The following LPCAT2 variants were observed in gnomAD, a reference collection of about 807,000 sequenced individuals.
LPCAT2 encodes 1-AGP acyltransferase 11.
In LPCAT2, 58 loss-of-function variants were observed where a neutral mutation model predicts 64.7. The ratio of observed to expected loss-of-function variants is 0.90; its 90% CI spans 0.73 to 1.12. The LOEUF is 1.12. Among genes scored for constraint, LPCAT2 ranks in the 50% most tolerant of loss-of-function variants. LPCAT2 has a pLI of 0.00. For missense variants in LPCAT2, 579 were observed against 669.8 expected (o/e 0.86, Z 1.50); for synonymous variants, 252 against 245.3 (o/e 1.03, Z -0.26).
intron 1 of LPCAT2, among the ~76,000 whole-genome samples, chr16:55,513,437 A>G (rs957376694): frequency 1.3e-5 from 2 of 152,144 alleles, no homozygotes; most frequent in Admixed American, 1.3e-4. Flanking sequence ...AGCAGAATGA[A>G]AAAAACTGAG....
chr16:55,576,263 T>C (rs1178795224), intron 12 of LPCAT2, among the ~76,000 whole-genome samples: 1 of 152,132 alleles, frequency 6.6e-6, no homozygotes, highest in Non-Finnish European at 1.5e-5. Context: ...ATGTGTTTTA[T>C]GTTTTGGAAG....
chr16:55,530,492 T>TGG (rs57443448), intron 4 of LPCAT2, among the ~76,000 whole-genome samples: 73 of 142,252 alleles, frequency 5.1e-4, no homozygotes, highest in East Asian at 2.0e-3. Flanking sequence ...AATGCGGGGG[T>TGG]GGGGGGGGGG....
chr16:55,576,460 T>G (rs922760403), intron 12 of LPCAT2, among the ~76,000 whole-genome samples: 5 of 151,616 alleles, frequency 3.3e-5, no homozygotes, highest in Admixed American at 2.6e-4. Flanking sequence ...ACTGACTGAC[T>G]GACGCCAAAG....
intron 7 of LPCAT2, 83 bp from the exon 8 acceptor site, chr16:55,537,495 G>T (rs778132798): frequency 9.4e-7 from 1 of 1,058,788 alleles, no homozygotes; most frequent in Non-Finnish European, 1.4e-6. Flanking sequence ...GAGGGTATTT[G>T]TGTATAAAGA....
intron 11 of LPCAT2, among the ~76,000 whole-genome samples, chr16:55,559,695 C>CATTTT (rs1310086581): frequency 6.7e-6 from 1 of 150,172 alleles, no homozygotes; most frequent in Non-Finnish European, 1.5e-5. Context: ...TGAAAAGAAC[C>CATTTT]ATTTTGATTC....
intron 11 of LPCAT2, among the ~76,000 whole-genome samples, chr16:55,561,554 A>G (rs1433802437): frequency 2.1e-5 from 3 of 143,552 alleles, no homozygotes; most frequent in Non-Finnish European, 4.6e-5. Context: ...AATGCCCTCC[A>G]TCTTCACGGA....
chr16:55,576,795 T>A (rs1480794470), intron 12 of LPCAT2, among the ~76,000 whole-genome samples: 1 of 152,166 alleles, frequency 6.6e-6, no homozygotes, highest in African/African-American at 2.4e-5. Context: ...ACCTTAGATC[T>A]AGGAACTTTG....
chr16:55,534,582 G>T (rs1963299848), intron 7 of LPCAT2, 105 bp downstream of exon 7: 1 of 537,946 alleles, frequency 1.9e-6, no homozygotes. Flanking sequence ...TAAAAATATT[G>T]TTATATTTAA....
intron 11 of LPCAT2, among the ~76,000 whole-genome samples, chr16:55,553,057 G>T (rs1397038122): frequency 4.9e-4 from 1 of 2,052 alleles, no homozygotes; most frequent in Non-Finnish European, 0.023. Flanking sequence ...CAGTTGAACA[G>T]GTGAAACCCT....
At chr16:55,539,038 C>T (rs1963362214) in intron 8 of LPCAT2, 1 of 152,124 alleles carries the variant, frequency 6.6e-6, no homozygotes, top group South Asian at 2.1e-4. Flanking sequence ...GCCATGCTAT[C>T]TTCTCTGCAA....
chr16:55,567,122 C>T, intron 11 of LPCAT2: 1 of 1,613,828 alleles, frequency 6.2e-7, no homozygotes, highest in South Asian at 1.1e-5. Flanking sequence ...TTAGTCTTGA[C>T]ACCTGCCGGA....
intron 11 of LPCAT2, among the ~76,000 whole-genome samples, chr16:55,560,393 G>C (rs1333340151): frequency 6.6e-6 from 1 of 152,058 alleles, no homozygotes; most frequent in African/African-American, 2.4e-5. Flanking sequence ...TCTAGACGAG[G>C]TTCAGTTCCC....
At chr16:55,548,393 A>G (rs1963477773) in intron 9 of LPCAT2, among the ~76,000 whole-genome samples, 2 of 152,252 alleles carry the variant, frequency 1.3e-5, no homozygotes, top group Admixed American at 1.3e-4. Context: ...CTTTTGCTTC[A>G]GTATTTTTGG....
At chr16:55,582,778 T>C (rs1314395492) in intron 13 of LPCAT2, 136 bp from the exon 14 acceptor site, 2 of 613,440 alleles carry the variant, frequency 3.3e-6, no homozygotes, top group African/African-American at 1.8e-5. Flanking sequence ...GTACAACTTA[T>C]ATTTTCATCA....
At chr16:55,537,405 A>G (rs1963337470) in intron 7 of LPCAT2, among the ~76,000 whole-genome samples, 173 bp from the exon 8 acceptor site, 1 of 151,922 alleles carries the variant, frequency 6.6e-6, no homozygotes, top group South Asian at 2.1e-4. Context: ...AAAAAAAAAA[A>G]GAATAGTTGT....
At chr16:55,566,768 A>G (rs764296861) in intron 11 of LPCAT2, 1 of 1,606,282 alleles carries the variant, frequency 6.2e-7, no homozygotes. Flanking sequence ...TGTTTCTTGC[A>G]AAGGCTCTAT....
At chr16:55,564,234 T>C (rs1344486014) in intron 11 of LPCAT2, among the ~76,000 whole-genome samples, 6 of 151,904 alleles carry the variant, frequency 3.9e-5, no homozygotes. Flanking sequence ...ATATTCCATG[T>C]TTATGGATTA....
intron 1 of LPCAT2, among the ~76,000 whole-genome samples, chr16:55,519,223 G>A (rs545672217): frequency 1.7e-4 from 26 of 152,164 alleles, no homozygotes; most frequent in East Asian, 3.9e-4. Flanking sequence ...TAAAGAGGCC[G>A]GGCACGGTGG....
intron 5 of LPCAT2, chr16:55,532,298 G>A (rs1963264885): frequency 5.0e-6 from 1 of 202,008 alleles, no homozygotes; most frequent in African/African-American, 2.3e-5. Context: ...AATGTCTTCA[G>A]ATGCTTTCTA....
Sources: gnomAD v4.1 joint callset for allele counts (sites outside exome capture counted in the v4.1 genomes callset) on GRCh38, gnomAD v4.1.1 for gene constraint, MANE v1.5 for transcripts, NCBI Gene and HGNC (gene_info 2026-07-23, HGNC 2026-07-21) for gene names.